The following TLN2 variants were observed in gnomAD, a reference collection of about 807,000 sequenced individuals.
TLN2 encodes the protein talin 2.
A neutral mutation model predicts 294.7 loss-of-function variants in TLN2; 118 were observed. The observed-to-expected ratio is 0.40, with a 90% CI of 0.34 to 0.47. The LOEUF (loss-of-function observed/expected upper bound fraction) is 0.47, where lower values mean the gene tolerates loss of function less well. Among genes scored for constraint, TLN2 ranks in the 20% least tolerant of loss-of-function variants. The pLI is 0.84. For missense variants in TLN2, 3,083 were observed against 3,282.2 expected, an observed-to-expected ratio of 0.94 and a Z score of 1.48; for synonymous variants, 1,431 against 1,304.5, an observed-to-expected ratio of 1.10 and a Z score of -2.09.
chr15:62,501,904 T>C (rs2039329069), intron 1 of TLN2, among the ~76,000 whole-genome samples: 1 of 152,220 alleles, frequency 6.6e-6, no homozygotes, highest in Non-Finnish European at 1.5e-5. Flanking sequence ...GGGCATCATT[T>C]CCATGGAGGG....
chr15:62,499,957 A>C lies in TLN2; in HGVS notation c.-237-89730A>C, dbSNP rs548422881. Among the ~76,000 whole-genome samples the C allele has an allele frequency of 8.5e-4, 129 of 152,212 alleles. 2 individuals are homozygous for C. The highest frequency in any genetic ancestry group is 4.2e-3 in the East Asian group (22 of 5,186). On this transcript the variant is annotated intron_variant, in intron 1 of 58. Transcript: ENST00000636159. Reference sequence around the variant, plus strand: ...GCAAAGAAACAAACAAACAAACAAAAAAAACAGTCAAAATTACAATTCAGG... The same window carrying C: ...GCAAAGAAACAAACAAACAAACAAACAAAACAGTCAAAATTACAATTCAGG...
intron 52 of TLN2, among the ~76,000 whole-genome samples, chr15:62,814,130 A>T (rs1383263986): frequency 6.6e-6 from 1 of 152,194 alleles, no homozygotes; most frequent in Non-Finnish European, 1.5e-5. Flanking sequence ...TATTAAGAGC[A>T]TACAGTATAG....
rs1055447238 is a variant in TLN2, at chr15:62,498,737, T to G, written c.-237-90950T>G. On this transcript the variant is annotated intron_variant, in intron 1 of 58. Coordinates refer to ENST00000636159, the MANE Select transcript of TLN2 (RefSeq NM_015059.3). ...CACAAAATTTGCTTCTTAGGAGGGTTTTTTTTTTCCTTATAGTTCTTTTCA... is the reference window on the plus strand; with the variant it reads ...CACAAAATTTGCTTCTTAGGAGGGTGTTTTTTTTCCTTATAGTTCTTTTCA... Among the ~76,000 whole-genome samples the G allele has an allele frequency of 6.6e-5, 5 of 76,048 alleles. No individual in the cohort carries two copies. The East Asian group carries it at 1.1e-3, about 17-fold the overall frequency. 49.9% of individuals were successfully genotyped at this position (76,048 alleles called of 152,430 possible). A position where few individuals can be genotyped will look rare whatever the true frequency, so the allele number is the denominator to read the frequency against.
intron 2 of TLN2, among the ~76,000 whole-genome samples, chr15:62,606,650 G>C (rs751958351): frequency 6.6e-5 from 10 of 152,156 alleles, no homozygotes; most frequent in Admixed American, 1.3e-4. Flanking sequence ...CTAACCACCA[G>C]ACACTGCCTT....
intron 1 of TLN2, among the ~76,000 whole-genome samples, chr15:62,573,316 C>G (rs2044073657): frequency 6.6e-6 from 1 of 152,094 alleles, no homozygotes; most frequent in African/African-American, 2.4e-5. Flanking sequence ...GACCTGAGCC[C>G]TGGGGAATGC....
chr15:62,593,191 A>G (rs1226621812), intron 2 of TLN2, among the ~76,000 whole-genome samples: 1 of 152,150 alleles, frequency 6.6e-6, no homozygotes, highest in Non-Finnish European at 1.5e-5. Flanking sequence ...TTAAAAATGT[A>G]ACCTGTTATG....
intron 39 of TLN2, 35 bp from the exon 40 acceptor site, chr15:62,763,528 T>A (rs927637208): frequency 6.3e-7 from 1 of 1,577,312 alleles, no homozygotes; most frequent in African/African-American, 1.3e-5. Flanking sequence ...TTGAGCCCCA[T>A]GGAGCCTGTG....
At chr15:62,739,317 T>C in intron 30 of TLN2, 31 bp from the exon 31 acceptor site, 1 of 1,591,900 alleles carries the variant, frequency 6.3e-7, no homozygotes, top group Non-Finnish European at 8.6e-7. Flanking sequence ...AAGCAGAATG[T>C]CTCATGGGGT....
chr15:62,551,897 C>G (rs1266477916), intron 1 of TLN2, among the ~76,000 whole-genome samples: 1 of 152,216 alleles, frequency 6.6e-6, no homozygotes, highest in Admixed American at 6.5e-5. Flanking sequence ...AGTATGACAG[C>G]TGCTTCATCC....
rs771952059 is a variant in TLN2, at chr15:62,717,713, C to T, written c.2877+24C>T. The T allele has an allele frequency of 1.2e-5, 18 of 1,505,084 alleles. 1 individual carries two copies. In the South Asian group the frequency reaches 2.3e-4, roughly 19 times the overall value. 93.2% of individuals were successfully genotyped at this position (1,505,084 alleles called of 1,614,324 possible). A position where few individuals can be genotyped will look rare whatever the true frequency, so the allele number is the denominator to read the frequency against. ...AGGTGAGGTTCCAGTGCACAGAGAG[C>T]CAGGTCAGCTGCAGATGACCCTGAT... On this transcript the variant is annotated intron_variant, in intron 24 of 58. Coordinates refer to ENST00000636159, the MANE Select transcript of TLN2 (RefSeq NM_015059.3).
intron 2 of TLN2, among the ~76,000 whole-genome samples, chr15:62,607,749 G>A (rs1260288741): frequency 2.6e-5 from 4 of 151,918 alleles, no homozygotes; most frequent in Non-Finnish European, 5.9e-5. Flanking sequence ...TTGTGTGTGT[G>A]TGCACAAGTC....
chr15:62,732,707 C>T (rs572107467), intron 28 of TLN2, among the ~76,000 whole-genome samples: 12 of 152,016 alleles, frequency 7.9e-5, no homozygotes, highest in African/African-American at 2.4e-4. Context: ...ACAGTGGAGA[C>T]GAAGTGGTCG....
chr15:62,407,514 T>C (rs968515062), intron 1 of TLN2, among the ~76,000 whole-genome samples: 2 of 152,212 alleles, frequency 1.3e-5, no homozygotes, highest in African/African-American at 4.8e-5. Flanking sequence ...AGAACAAATG[T>C]ACCCTATCAT....
chr15:62,496,104 G>A (rs2039004365), intron 1 of TLN2, among the ~76,000 whole-genome samples: 1 of 152,246 alleles, frequency 6.6e-6, no homozygotes, highest in South Asian at 2.1e-4. Context: ...TACGCCAGAT[G>A]TCAGCCTGCA....
At chr15:62,613,730 A>G (rs553318758) in intron 2 of TLN2, among the ~76,000 whole-genome samples, 1 of 152,266 alleles carries the variant, frequency 6.6e-6, no homozygotes, top group East Asian at 1.9e-4. Context: ...GGATCAAGAA[A>G]TCATGTTATG....
At chr15:62,694,293 A>T in intron 13 of TLN2, 23 bp from the exon 14 acceptor site, 3 of 1,613,452 alleles carry the variant, frequency 1.9e-6, no homozygotes, top group Non-Finnish European at 2.5e-6. Context: ...TCATTTTTGC[A>T]TCTTGTTTTA....
At position 62,781,191 on chromosome 15, in the gene TLN2, A is replaced by G; in HGVS notation, c.5566A>G (p.Thr1856Ala). 1 of 1,614,170 alleles carries G rather than the reference A, an allele frequency of 6.2e-7. No individual in the cohort carries two copies. Among genetic ancestry groups the G allele is most frequent in the Non-Finnish European group, 8.5e-7 (1 of 1,180,004 alleles). ...EPKGTFVDYQ[T>A]TVVKYSKAIA... Reference sequence around the variant, plus strand: ...AAAGGGAACATTTGTCGACTATCAGACGACTGTGGTTAAATACTCCAAAGC... The same window carrying G: ...AAAGGGAACATTTGTCGACTATCAGGCGACTGTGGTTAAATACTCCAAAGC... Residue 1856 changes from threonine to alanine, a missense_variant, in exon 44 of 59, where the codon ACG (threonine) becomes GCG (alanine). Physicochemically the swap from Thr to Ala is moderately conservative, Grantham distance 58. Coordinates refer to ENST00000636159, the MANE Select transcript of TLN2 (RefSeq NM_015059.3).
At chr15:62,399,511 A>G (rs1047056701) in intron 1 of TLN2, among the ~76,000 whole-genome samples, 3 of 152,176 alleles carry the variant, frequency 2.0e-5, no homozygotes, top group African/African-American at 7.2e-5. Context: ...AAAGCTGCAG[A>G]CACTCAACAC....
chr15:62,821,860 C>G lies in TLN2; in HGVS notation c.7002+1250C>G, dbSNP rs111345622. Among the ~76,000 whole-genome samples, 63 of 152,202 alleles carry G rather than the reference C, an allele frequency of 4.1e-4. 1 individual carries two copies. The highest frequency in any genetic ancestry group is 1.5e-3 in the African/African-American group (62 of 41,510). On this transcript the variant is annotated intron_variant, in intron 54 of 58. Coordinates refer to ENST00000636159, the MANE Select transcript of TLN2 (RefSeq NM_015059.3). ...TTTCTGCTTTGTCAGTCAAGTTAAT[C>G]GTGAATGAAAAGTGTACTTTAAACT...
Sources: allele counts gnomAD v4.1 joint callset (sites outside exome capture counted in the v4.1 genomes callset), GRCh38; gene constraint gnomAD v4.1.1; transcripts MANE v1.5; gene names NCBI Gene and HGNC (gene_info 2026-07-23, HGNC 2026-07-21).